B3GALT5: variants seen among roughly 807,000 people sequenced by gnomAD.
The protein encoded by B3GALT5 is UDP-Gal:betaGlcNAc beta 1,3-galactosyltransferase, polypeptide 5.
For synonymous variants in B3GALT5, 156 were observed against 158.6 expected, an observed-to-expected ratio of 0.98 and a Z score of 0.12; for missense variants, 328 against 396.6, an observed-to-expected ratio of 0.83 and a Z score of 1.47.
chr21:39,615,744 G>A (rs2079104278), intron 1 of B3GALT5, among the ~76,000 whole-genome samples: 1 of 152,168 alleles, frequency 6.6e-6, no homozygotes, highest in South Asian at 2.1e-4. Context: ...TCATAGGGGT[G>A]GTTGTGAGGA....
intron 2 of B3GALT5, among the ~76,000 whole-genome samples, chr21:39,650,838 G>C (rs1569217230): frequency 6.6e-6 from 1 of 150,792 alleles, no homozygotes; most frequent in African/African-American, 2.4e-5. Context: ...TTTAAAATAA[G>C]ATTAAAAAAT....
rs147041712 is a variant in B3GALT5, at chr21:39,656,990, C to A, written c.-160-2763C>A. Among the ~76,000 whole-genome samples, 278 of 152,338 alleles carry A rather than the reference C, an allele frequency of 1.8e-3. 1 individual carries two copies. Among genetic ancestry groups the A allele is most frequent in the African/African-American group, 5.2e-3 (218 of 41,574 alleles). ...GCCAGAAGGGGGGCAGTGACCTAGGCAGAGGGCGGGAGCCAGCAGATGGGA... is the reference window on the plus strand; with the variant it reads ...GCCAGAAGGGGGGCAGTGACCTAGGAAGAGGGCGGGAGCCAGCAGATGGGA... On this transcript the variant is annotated intron_variant, in intron 2 of 3. Transcript: ENST00000684187.
intron 1 of B3GALT5, among the ~76,000 whole-genome samples, chr21:39,622,710 A>G (rs2079140296): frequency 6.6e-6 from 1 of 152,046 alleles, no homozygotes; most frequent in Non-Finnish European, 1.5e-5. Context: ...TATAATATAC[A>G]TAATTTCTGA....
At chr21:39,651,856 TA>T (rs2079398445) in intron 2 of B3GALT5, among the ~76,000 whole-genome samples, 1 of 152,228 alleles carries the variant, frequency 6.6e-6, no homozygotes, top group Non-Finnish European at 1.5e-5. Flanking sequence ...GGCTCACTTT[TA>T]AAAATATTTT....
rs941862724 is a variant in B3GALT5, at chr21:39,658,493, A to G, written c.-160-1260A>G. 2.0e-5 allele frequency among the ~76,000 whole-genome samples: 3 copies of G among 152,150 alleles called. 1 individual carries two copies. Among genetic ancestry groups the G allele is most frequent in the African/African-American group, 4.8e-5 (2 of 41,452 alleles). On this transcript the variant is annotated intron_variant, in intron 2 of 3. Transcript: ENST00000684187. ...CTTCTTTCCCTTGCACTTGGTTTTTATGTTTCTCTCTAAAATGTATTGTGG... is the reference window on the plus strand; with the variant it reads ...CTTCTTTCCCTTGCACTTGGTTTTTGTGTTTCTCTCTAAAATGTATTGTGG...
chr21:39,628,279 C>T (rs191740527), intron 1 of B3GALT5, among the ~76,000 whole-genome samples: 13 of 152,220 alleles, frequency 8.5e-5, no homozygotes, highest in Admixed American at 2.0e-4. Flanking sequence ...TCTAAACTTA[C>T]GGGGTACACC....
chr21:39,646,911 G>A (rs1387893570), intron 2 of B3GALT5, among the ~76,000 whole-genome samples: 1 of 151,986 alleles, frequency 6.6e-6, no homozygotes, highest in Non-Finnish European at 1.5e-5. Flanking sequence ...GACCAGCCTG[G>A]GTAATATAGC....
chr21:39,637,475 C>T (rs905402583), intron 1 of B3GALT5, among the ~76,000 whole-genome samples: 4 of 152,252 alleles, frequency 2.6e-5, no homozygotes, highest in African/African-American at 7.2e-5. Context: ...CTAAGGCTTA[C>T]GACGTTTTCA....
At chr21:39,613,684 GTGTGTGCGCGCGTA>G (rs1246968791) in intron 1 of B3GALT5, among the ~76,000 whole-genome samples, 2 of 151,878 alleles carry the variant, frequency 1.3e-5, no homozygotes, top group Non-Finnish European at 3.0e-5. Context: ...GAGTGCGTGT[GTGTGTGCGCGCGTA>G]TGTGTGCGCA....
intron 2 of B3GALT5, among the ~76,000 whole-genome samples, chr21:39,654,305 C>T (rs1242357714): frequency 2.0e-5 from 3 of 152,208 alleles, no homozygotes; most frequent in Non-Finnish European, 4.4e-5. Context: ...TAGTCTTGAA[C>T]TGCTGGCCTC....
intron 1 of B3GALT5, among the ~76,000 whole-genome samples, chr21:39,643,170 C>A (rs1483358304): frequency 6.6e-6 from 1 of 152,050 alleles, no homozygotes; most frequent in Non-Finnish European, 1.5e-5. Flanking sequence ...CTCAATGGGG[C>A]CATTGGCGAG....
At chr21:39,660,021 G>A in intron 3 of B3GALT5, 109 bp downstream of exon 3, 1 of 617,876 alleles carries the variant, frequency 1.6e-6, no homozygotes, top group Non-Finnish European at 2.0e-6. Context: ...ATCAGAGACT[G>A]TAAAAAGTAA....
chr21:39,631,414 C>A (rs538127172), intron 1 of B3GALT5, among the ~76,000 whole-genome samples: 2 of 152,116 alleles, frequency 1.3e-5, no homozygotes, highest in African/African-American at 4.8e-5. Flanking sequence ...TCCAAATTTC[C>A]CCTAATTATA....
At chr21:39,655,895 C>A (rs937785734) in intron 2 of B3GALT5, among the ~76,000 whole-genome samples, 2 of 152,132 alleles carry the variant, frequency 1.3e-5, no homozygotes, top group Admixed American at 1.3e-4. Flanking sequence ...TTTCCACCTT[C>A]TCCAGGGGAA....
rs2079514965 is a variant in B3GALT5 at position 39,661,071 on chromosome 21, T to C, written c.512T>C (p.Leu171Pro). The C allele has an allele frequency of 3.7e-6, 6 of 1,614,100 alleles. No individual in the cohort carries two copies. The highest frequency in any genetic ancestry group is 2.5e-6 in the Non-Finnish European group (3 of 1,180,048). The change falls in exon 4 of 4, where the codon CTG becomes CCG. Residue 171 changes from leucine (L) to proline (P), a missense_variant. Leu to Pro is a moderately conservative substitution (Grantham distance 98). Coordinates refer to ENST00000684187, the MANE Select transcript of B3GALT5 (RefSeq NM_001356336.2). This position sits in a 1 kb window ranked among gnomAD's most constrained non-coding sequence, Gnocchi z 4.7. Reference sequence around the variant, plus strand: ...GTTGACTATCTGACTGAACTGCTTCTGAAGAAAAACAGAACAACCAGGTTT... The same window carrying C: ...GTTGACTATCTGACTGAACTGCTTCCGAAGAAAAACAGAACAACCAGGTTT... The part of the protein sequence containing the change: ...INVDYLTELL[L>P]KKNRTTRFFT...
intron 1 of B3GALT5, among the ~76,000 whole-genome samples, chr21:39,644,172 G>A (rs913972093): frequency 3.3e-5 from 5 of 152,126 alleles, no homozygotes; most frequent in African/African-American, 1.2e-4. Context: ...TGTACATAAG[G>A]TAACGTAGAC....
intron 1 of B3GALT5, among the ~76,000 whole-genome samples, chr21:39,626,943 C>G (rs2079167176): frequency 6.6e-6 from 1 of 152,152 alleles, no homozygotes; most frequent in Non-Finnish European, 1.5e-5. Flanking sequence ...TTCTTACGTT[C>G]CTCGCTTGTC....
At chr21:39,653,075 G>A (rs890185413) in intron 2 of B3GALT5, among the ~76,000 whole-genome samples, 12 of 151,728 alleles carry the variant, frequency 7.9e-5, no homozygotes, top group Non-Finnish European at 1.5e-4. Flanking sequence ...GAATGTATTC[G>A]TCTCTCCAGA....
intron 1 of B3GALT5, chr21:39,630,521 G>A (rs910460717): frequency 2.0e-5 from 3 of 150,786 alleles, no homozygotes; most frequent in East Asian, 1.9e-4. Flanking sequence ...ACATATTGCC[G>A]GCTTCCTCCA....
Sources: gnomAD v4.1 joint callset for allele counts (sites outside exome capture counted in the v4.1 genomes callset) on GRCh38, gnomAD v4.1.1 for gene constraint, Gnocchi (gnomAD v3.1) non-coding constraint, MANE v1.5 for transcripts, NCBI Gene and HGNC (gene_info 2026-07-23, HGNC 2026-07-21) for gene names.